Variants in AUTS2 observed in about 807,000 individuals in gnomAD.
AUTS2 encodes the protein activator of transcription and developmental regulator AUTS2, also known as autism susceptibility gene 2 protein.
Under a neutral mutation model 112.4 loss-of-function variants are expected in AUTS2, and 17 were observed. The ratio of observed to expected loss-of-function variants is 0.15; its 90% CI spans 0.10 to 0.23. The LOEUF (loss-of-function observed/expected upper bound fraction) is 0.23, where lower values mean the gene tolerates loss of function less well. Among genes scored for constraint, AUTS2 ranks in the 10% least tolerant of loss-of-function variants. The pLI is 1.00. For missense variants in AUTS2, 1,510 were observed against 1,701.6 expected, an observed-to-expected ratio of 0.89 and a Z score of 1.98; for synonymous variants, 751 against 702.7, an observed-to-expected ratio of 1.07 and a Z score of -1.09.
At chr7:70,477,529 GCA>G (rs1797628038) in intron 5 of AUTS2, among the ~76,000 whole-genome samples, 2 of 152,164 alleles carry the variant, frequency 1.3e-5, no homozygotes, top group African/African-American at 4.8e-5. Flanking sequence ...TGTGAACTTT[GCA>G]CAGAGGGCAT....
chr7:69,911,106 G>GT (rs1396965368), intron 2 of AUTS2, among the ~76,000 whole-genome samples: 21 of 152,378 alleles, frequency 1.4e-4, no homozygotes, highest in African/African-American at 5.0e-4. Flanking sequence ...AGCCATATCA[G>GT]TGAGTGAGCC....
At chr7:70,716,440 T>G (rs1810367766) in intron 6 of AUTS2, among the ~76,000 whole-genome samples, 1 of 151,886 alleles carries the variant, frequency 6.6e-6, no homozygotes, top group Admixed American at 6.6e-5. Context: ...GAGACCATCC[T>G]GGCTAACACA....
intron 5 of AUTS2, among the ~76,000 whole-genome samples, chr7:70,556,943 TTAGTC>T (rs1277963413): frequency 4.6e-5 from 7 of 152,154 alleles, no homozygotes; most frequent in African/African-American, 1.2e-4. Flanking sequence ...GAACCCAACT[TTAGTC>T]TAGTCTCCTC....
At chr7:70,413,107 G>A (rs1336773094) in intron 4 of AUTS2, among the ~76,000 whole-genome samples, 1 of 152,248 alleles carries the variant, frequency 6.6e-6, no homozygotes, top group African/African-American at 2.4e-5. Flanking sequence ...AGCTCCCCTT[G>A]TAGGCTCCTT....
intron 1 of AUTS2, among the ~76,000 whole-genome samples, chr7:69,790,460 G>A (rs1218044876): frequency 1.3e-5 from 2 of 152,120 alleles, no homozygotes; most frequent in Non-Finnish European, 2.9e-5. Context: ...TAATATAAAT[G>A]ATAATTACCA....
intron 4 of AUTS2, among the ~76,000 whole-genome samples, chr7:70,420,242 C>CT (rs1795162409): frequency 6.6e-6 from 1 of 152,166 alleles, no homozygotes; most frequent in African/African-American, 2.4e-5. Flanking sequence ...ACGAGCATGC[C>CT]TGTTCAGTTT....
chr7:69,782,038 G>C (rs1451054101), intron 1 of AUTS2, among the ~76,000 whole-genome samples: 1 of 152,184 alleles, frequency 6.6e-6, no homozygotes, highest in Non-Finnish European at 1.5e-5. Flanking sequence ...TCCTGGATGT[G>C]GGTTCAGGTT....
At chr7:70,133,060 C>T (rs1326846337) in intron 3 of AUTS2, among the ~76,000 whole-genome samples, 2 of 152,082 alleles carry the variant, frequency 1.3e-5, no homozygotes, top group African/African-American at 4.8e-5. Flanking sequence ...CCCTCCATAC[C>T]ATTTATGGGA....
intron 2 of AUTS2, among the ~76,000 whole-genome samples, chr7:70,054,815 C>G (rs963626130): frequency 6.6e-6 from 1 of 152,124 alleles, no homozygotes; most frequent in Non-Finnish European, 1.5e-5. Context: ...GAAGACTTCT[C>G]TGTCCTTACT....
intron 5 of AUTS2, among the ~76,000 whole-genome samples, chr7:70,600,823 A>G (rs995236851): frequency 6.6e-6 from 1 of 152,158 alleles, no homozygotes; most frequent in African/African-American, 2.4e-5. Context: ...TAACGTTTTG[A>G]GAGTCAGCCA....
chr7:70,290,496 T>C, intron 4 of AUTS2: 2 of 1,542,076 alleles, frequency 1.3e-6, no homozygotes, highest in African/African-American at 1.4e-5. Flanking sequence ...TCAAATTGCT[T>C]AAAGGATTCT....
intron 1 of AUTS2, among the ~76,000 whole-genome samples, chr7:69,751,888 C>A (rs563864858): frequency 6.6e-6 from 1 of 152,232 alleles, no homozygotes; most frequent in South Asian, 2.1e-4. Flanking sequence ...GTAGTTATAA[C>A]AAAACTTGTG....
chr7:70,502,643 A>G (rs1288553452), intron 5 of AUTS2, among the ~76,000 whole-genome samples: 1 of 152,160 alleles, frequency 6.6e-6, no homozygotes, highest in East Asian at 1.9e-4. Context: ...CTCCCAACAG[A>G]CTTTGTTTAT....
At chr7:69,808,742 A>G (rs1029748097) in intron 1 of AUTS2, among the ~76,000 whole-genome samples, 1 of 152,134 alleles carries the variant, frequency 6.6e-6, no homozygotes, top group Non-Finnish European at 1.5e-5. Context: ...AGAATGAAGT[A>G]TATGTCTGGG....
intron 1 of AUTS2, among the ~76,000 whole-genome samples, chr7:69,655,011 A>G (rs996432429): frequency 6.6e-6 from 1 of 152,168 alleles, no homozygotes; most frequent in Non-Finnish European, 1.5e-5. Flanking sequence ...TTAGCAATAC[A>G]TGAGTATCCA....
chr7:70,568,710 T>C (rs1220364947), intron 5 of AUTS2, among the ~76,000 whole-genome samples: 1 of 152,194 alleles, frequency 6.6e-6, no homozygotes, highest in Non-Finnish European at 1.5e-5. Context: ...GCACTGCTCC[T>C]GAATCCACCA....
intron 2 of AUTS2, among the ~76,000 whole-genome samples, chr7:70,027,744 A>T (rs1372945886): frequency 6.6e-6 from 1 of 152,204 alleles, no homozygotes; most frequent in Non-Finnish European, 1.5e-5. Context: ...TTAATGAATG[A>T]GAAAGACTCT....
intron 4 of AUTS2, among the ~76,000 whole-genome samples, chr7:70,137,349 C>A (rs1454688175): frequency 1.3e-5 from 2 of 151,332 alleles, no homozygotes; most frequent in African/African-American, 4.9e-5. Flanking sequence ...ATACTCATGC[C>A]CAGCTCATAT....
intron 6 of AUTS2, among the ~76,000 whole-genome samples, chr7:70,753,476 GAACA>G (rs1247503027): frequency 1.3e-5 from 2 of 152,102 alleles, no homozygotes; most frequent in East Asian, 1.9e-4. Flanking sequence ...AATTTGCCTT[GAACA>G]AACAGTGGGT....
Sources: gnomAD v4.1 joint callset for allele counts (sites outside exome capture counted in the v4.1 genomes callset) on GRCh38, gnomAD v4.1.1 for gene constraint, MANE v1.5 for transcripts, NCBI Gene and HGNC (gene_info 2026-07-23, HGNC 2026-07-21) for gene names.